COPG2: variants seen among roughly 807,000 people sequenced by gnomAD.
The protein encoded by COPG2 is coat protein complex I subunit gamma 2.
In COPG2, 37 loss-of-function variants were observed where a neutral mutation model predicts 46.3. That is an observed-to-expected ratio of 0.80 (90% CI 0.61 to 1.05). The LOEUF is 1.05. COPG2 is among the 50% of genes least tolerant of loss of function. COPG2 has a pLI of 0.00. For synonymous variants in COPG2, 159 were observed against 129.7 expected (o/e 1.23, Z -1.53); for missense variants, 427 against 387.8 (o/e 1.10, Z -0.85).
At chr7:130,523,333 A>G (rs1799741623) in intron 20 of COPG2, among the ~76,000 whole-genome samples, 1 of 151,934 alleles carries the variant, frequency 6.6e-6, no homozygotes, top group Non-Finnish European at 1.5e-5. Flanking sequence ...CAGAAAAAGT[A>G]AAGGAAAAAA....
intron 20 of COPG2, among the ~76,000 whole-genome samples, chr7:130,535,957 G>C (rs1468017365): frequency 6.6e-6 from 1 of 152,078 alleles, no homozygotes; most frequent in African/African-American, 2.4e-5. Context: ...CACCAAATGG[G>C]AAGTCTCTCT....
At chr7:130,633,688 T>C (rs1251786584) in intron 5 of COPG2, among the ~76,000 whole-genome samples, 11 of 152,226 alleles carry the variant, frequency 7.2e-5, no homozygotes, top group African/African-American at 2.7e-4. Flanking sequence ...ACTCTGATGA[T>C]AGTTTCTTTC....
At chr7:130,652,519 CTTGT>C (rs1554459257) in intron 5 of COPG2, among the ~76,000 whole-genome samples, 1 of 152,116 alleles carries the variant, frequency 6.6e-6, no homozygotes, top group Non-Finnish European at 1.5e-5. Flanking sequence ...TGAATTATCA[CTTGT>C]TTCTTTTTAA....
intron 5 of COPG2, among the ~76,000 whole-genome samples, chr7:130,635,114 G>A (rs538942585): frequency 6.6e-5 from 10 of 150,438 alleles, no homozygotes; most frequent in Non-Finnish European, 1.2e-4. Flanking sequence ...CGGTTTGCCC[G>A]TATTTTATTG....
rs1027194664 is a variant in COPG2, at chr7:130,506,518, T to C, written c.*158A>G. On this transcript the variant is annotated 3_prime_UTR_variant, in exon 24 of 24. Coordinates refer to ENST00000425248, the MANE Select transcript of COPG2 (RefSeq NM_012133.6). ...AAAAAAAACAACCCATGCGCAAAGA[T>C]AGACATTTGCTTGATCTGCTGGCTC... The C allele has an allele frequency of 4.1e-5, 19 of 460,486 alleles. No homozygotes were observed. Among genetic ancestry groups the C allele is most frequent in the African/African-American group, 1.4e-4 (7 of 48,404 alleles). 28.5% of individuals were successfully genotyped at this position (460,486 alleles called of 1,614,324 possible). A position where few individuals can be genotyped will look rare whatever the true frequency, so the allele number is the denominator to read the frequency against.
At chr7:130,606,031 T>A (rs1207071538) in intron 9 of COPG2, among the ~76,000 whole-genome samples, 1 of 152,076 alleles carries the variant, frequency 6.6e-6, no homozygotes, top group Non-Finnish European at 1.5e-5. Flanking sequence ...AAGCCTAGTT[T>A]TGAAGAGACT....
At position 130,507,300 on chromosome 7, in the gene COPG2, T is replaced by A; in HGVS notation, c.2459A>T (p.Lys820Met). 1.3e-6 allele frequency: 1 copy of A among 780,800 alleles called. No individual in the cohort carries two copies. Among genetic ancestry groups the A allele is most frequent in the Non-Finnish European group, 2.4e-6 (1 of 417,872 alleles). 48.4% of individuals were successfully genotyped at this position (780,800 alleles called of 1,614,324 possible). A position where few individuals can be genotyped will look rare whatever the true frequency, so the allele number is the denominator to read the frequency against. Residue 820 changes from lysine (K) to methionine (M), a missense_variant, in exon 23 of 24, where the codon AAG becomes ATG. By Grantham distance (95) the Lys-to-Met change is moderately conservative (BLOSUM62 -1). Coordinates refer to ENST00000425248, the MANE Select transcript of COPG2 (RefSeq NM_012133.6). ...TGCCAGATAGAGCGAATGGGAATTC[T>A]TGTTCTCAGGTACTTTATCGGACCT... The part of the protein sequence containing the change: ...CERSDKVPEN[K>M]NSHSLYLAGI...
At chr7:130,622,847 G>C (rs1795061592) in intron 5 of COPG2, among the ~76,000 whole-genome samples, 1 of 152,154 alleles carries the variant, frequency 6.6e-6, no homozygotes, top group Non-Finnish European at 1.5e-5. Flanking sequence ...ACCACTGTCA[G>C]AGGCAAGAAA....
chr7:130,562,274 G>A (rs906495732), intron 11 of COPG2, among the ~76,000 whole-genome samples: 1 of 152,190 alleles, frequency 6.6e-6, no homozygotes, highest in South Asian at 2.1e-4. Flanking sequence ...CATGAGAATC[G>A]CTTGAACCTG....
At position 130,631,305 on chromosome 7, in the gene COPG2, G is replaced by A. The variant is rs890249824; in HGVS notation, c.324-14240C>T. On this transcript the variant is annotated intron_variant, in intron 5 of 23. Coordinates refer to ENST00000425248, the MANE Select transcript of COPG2 (RefSeq NM_012133.6). ...TCCGAGTAACTGGGATTACAGGCACGTGCCATCACACCTGGCTAATTTTTG... is the reference window on the plus strand; with the variant it reads ...TCCGAGTAACTGGGATTACAGGCACATGCCATCACACCTGGCTAATTTTTG... Among the ~76,000 whole-genome samples, 6 of 151,518 alleles carry A rather than the reference G, an allele frequency of 4.0e-5. No individual in the cohort carries two copies. In the South Asian group the frequency reaches 1.3e-3, roughly 32 times the overall value.
In COPG2 at chr7:130,548,550, G is replaced by C; in HGVS notation, c.1838-8C>G. 2.5e-6 allele frequency: 1 copy of C among 398,534 alleles called. No homozygotes were observed. Among genetic ancestry groups the C allele is most frequent in the Non-Finnish European group, 4.4e-6 (1 of 226,022 alleles). 24.7% of individuals were successfully genotyped at this position (398,534 alleles called of 1,614,324 possible). ...GAATGGCAGCCAATTGTTCTATCAA[G>C]AAAAAAGAACGTAGGCTATGAAGAA... On this transcript the variant is annotated splice_region_variant and splice_polypyrimidine_tract_variant and intron_variant, in intron 18 of 23. Transcript: ENST00000425248.
intron 5 of COPG2, among the ~76,000 whole-genome samples, chr7:130,620,222 G>C (rs1354459638): frequency 2.6e-5 from 4 of 151,982 alleles, no homozygotes; most frequent in African/African-American, 9.7e-5. Context: ...GCATTTCAAT[G>C]AGTGTCTGTT....
At chr7:130,536,057 A>G (rs1799876861) in intron 20 of COPG2, among the ~76,000 whole-genome samples, 1 of 152,136 alleles carries the variant, frequency 6.6e-6, no homozygotes, top group South Asian at 2.1e-4. Flanking sequence ...ATTGAGGCCA[A>G]AGGTATTAAC....
chr7:130,543,276 C>T (rs1388485191), intron 20 of COPG2, among the ~76,000 whole-genome samples: 4 of 152,100 alleles, frequency 2.6e-5, no homozygotes, highest in African/African-American at 9.7e-5. Flanking sequence ...ATTAAGGGGA[C>T]AGTATACAGT....
intron 9 of COPG2, among the ~76,000 whole-genome samples, chr7:130,603,170 T>C (rs1315196780): frequency 1.3e-5 from 2 of 152,206 alleles, no homozygotes; most frequent in African/African-American, 2.4e-5. Flanking sequence ...ACAAAATTAA[T>C]GTGCTCCTAC....
intron 14 of COPG2, among the ~76,000 whole-genome samples, chr7:130,553,771 TGTAA>T (rs1270438827): frequency 6.6e-6 from 1 of 152,170 alleles, no homozygotes; most frequent in African/African-American, 2.4e-5. Flanking sequence ...AGAGGAGCTC[TGTAA>T]ATAAGAGTGA....
At chr7:130,622,267 G>A (rs141717532) in intron 5 of COPG2, among the ~76,000 whole-genome samples, 1 of 152,288 alleles carries the variant, frequency 6.6e-6, no homozygotes, top group East Asian at 1.9e-4. Context: ...GTTAGCCCCT[G>A]GCTGAACGTT....
chr7:130,517,715 G>A (rs1799690934), intron 20 of COPG2, among the ~76,000 whole-genome samples: 1 of 152,184 alleles, frequency 6.6e-6, no homozygotes, highest in Non-Finnish European at 1.5e-5. Flanking sequence ...ATAATTTAAT[G>A]CTAGTAGCCA....
intron 5 of COPG2, among the ~76,000 whole-genome samples, chr7:130,621,145 G>A (rs782628220): frequency 2.0e-5 from 3 of 152,150 alleles, no homozygotes; most frequent in Admixed American, 6.5e-5. Context: ...GCTAGGATTC[G>A]AGGAATGCAA....
Sources: allele counts gnomAD v4.1 joint callset (sites outside exome capture counted in the v4.1 genomes callset), GRCh38; gene constraint gnomAD v4.1.1; transcripts MANE v1.5; gene names NCBI Gene and HGNC (gene_info 2026-07-23, HGNC 2026-07-21).